ZNF385D: variants seen among roughly 807,000 people sequenced by gnomAD.
ZNF385D encodes the protein zinc finger protein 385D.
ZNF385D carries 15 observed loss-of-function variants against 35.8 expected under a neutral mutation model. That is an observed-to-expected ratio of 0.42 (90% CI 0.28 to 0.64). The LOEUF (loss-of-function observed/expected upper bound fraction) is 0.64, where lower values mean the gene tolerates loss of function less well. ZNF385D is among the 30% of genes least tolerant of loss of function. The probability of loss-of-function intolerance (pLI) is 0.23; values close to 1 mark genes in which losing one functional copy is unlikely to be tolerated. For missense variants in ZNF385D, 474 were observed against 494.6 expected (o/e 0.96, Z 0.39); for synonymous variants, 212 against 186.8 (o/e 1.13, Z -1.10).
intron 3 of ZNF385D, among the ~76,000 whole-genome samples, chr3:21,979,420 A>G (rs960314345): frequency 2.0e-5 from 3 of 152,200 alleles, no homozygotes; most frequent in African/African-American, 7.2e-5. Flanking sequence ...TTTTTATCCA[A>G]TATTTGACAG....
rs1695371983 is a variant in ZNF385D, at chr3:22,340,462, A to T, written c.106+31988T>A. ...GGAGTTTCAGACCAGCCTGGCCAAC[A>T]TGGTGAAACCTTATCTCTACTAAAA... On this transcript the variant is annotated intron_variant, in intron 2 of 5. Transcript: ENST00000494108. Among the ~76,000 whole-genome samples the T allele has an allele frequency of 2.0e-5, 3 of 152,122 alleles. No homozygotes were observed. In the South Asian group the frequency reaches 6.2e-4, roughly 32 times the overall value.
chr3:21,451,166 C>G (rs894857347), intron 4 of ZNF385D, among the ~76,000 whole-genome samples: 3 of 152,076 alleles, frequency 2.0e-5, no homozygotes, highest in East Asian at 1.9e-4. Context: ...TATGACGAAC[C>G]AATCAATACG....
chr3:21,540,084 C>T (rs2062135766), intron 3 of ZNF385D, among the ~76,000 whole-genome samples: 1 of 152,156 alleles, frequency 6.6e-6, no homozygotes, highest in Non-Finnish European at 1.5e-5. Flanking sequence ...CTGCTTTTTA[C>T]AGAATTACTG....
At chr3:21,934,006 T>TAA (rs11388191) in intron 3 of ZNF385D, among the ~76,000 whole-genome samples, 9,416 of 150,080 alleles carry the variant, frequency 0.063, 456 homozygotes, top group African/African-American at 0.12. Context: ...CACTGGTAAT[T>TAA]AAAAAAAAAA....
At chr3:22,068,682 G>A (rs539159788) in intron 3 of ZNF385D, among the ~76,000 whole-genome samples, 1 of 152,140 alleles carries the variant, frequency 6.6e-6, no homozygotes, top group Non-Finnish European at 1.5e-5. Flanking sequence ...TATGTGAAAG[G>A]CCTAATTCTC....
intron 4 of ZNF385D, among the ~76,000 whole-genome samples, chr3:21,474,825 A>G (rs1704129623): frequency 6.6e-6 from 1 of 152,162 alleles, no homozygotes; most frequent in African/African-American, 2.4e-5. Flanking sequence ...CATAAGTGAT[A>G]AATTCCTCAT....
At chr3:22,268,156 A>C (rs1700989542) in intron 2 of ZNF385D, among the ~76,000 whole-genome samples, 1 of 151,962 alleles carries the variant, frequency 6.6e-6, no homozygotes, top group East Asian at 1.9e-4. Context: ...AAAAATGGTA[A>C]CTGTTGCTAC....
At chr3:22,251,121 T>C (rs998748908) in intron 2 of ZNF385D, among the ~76,000 whole-genome samples, 12 of 151,986 alleles carry the variant, frequency 7.9e-5, no homozygotes, top group Non-Finnish European at 1.8e-4. Context: ...TAGGAAAAAA[T>C]TTTCCACCAA....
At chr3:22,314,591 T>C (rs1703780285) in intron 2 of ZNF385D, among the ~76,000 whole-genome samples, 1 of 152,136 alleles carries the variant, frequency 6.6e-6, no homozygotes, top group African/African-American at 2.4e-5. Context: ...AGGAATAAGA[T>C]TGTTTCACGT....
chr3:21,508,875 A>G (rs902300977), intron 4 of ZNF385D, among the ~76,000 whole-genome samples: 4 of 151,946 alleles, frequency 2.6e-5, no homozygotes, highest in African/African-American at 7.2e-5. Context: ...GACCCTTTGG[A>G]TTATTCTAGG....
intron 3 of ZNF385D, among the ~76,000 whole-genome samples, chr3:22,035,842 G>C (rs1385417957): frequency 6.6e-6 from 1 of 152,116 alleles, no homozygotes. Flanking sequence ...AAATATTGTG[G>C]ATCTTGTTAT....
intron 3 of ZNF385D, among the ~76,000 whole-genome samples, chr3:21,756,766 T>C (rs1457676038): frequency 6.6e-6 from 1 of 152,240 alleles, no homozygotes; most frequent in Non-Finnish European, 1.5e-5. Flanking sequence ...GCTGGAAGGC[T>C]ACTTTAAGCC....
intron 3 of ZNF385D, among the ~76,000 whole-genome samples, chr3:21,756,763 G>C (rs1355660242): frequency 6.6e-6 from 1 of 152,138 alleles, no homozygotes; most frequent in African/African-American, 2.4e-5. Context: ...TGTGCTGGAA[G>C]GCTACTTTAA....
intron 3 of ZNF385D, among the ~76,000 whole-genome samples, chr3:21,936,390 C>T (rs930305972): frequency 9.4e-6 from 1 of 106,562 alleles, no homozygotes; most frequent in African/African-American, 2.8e-5. Flanking sequence ...AGATGTGTAA[C>T]AATTTTTTTT....
intron 2 of ZNF385D, among the ~76,000 whole-genome samples, chr3:22,222,090 C>T (rs1012005544): frequency 6.6e-6 from 1 of 152,020 alleles, no homozygotes; most frequent in African/African-American, 2.4e-5. Flanking sequence ...AATTCTCCTG[C>T]CTCACTCTCC....
chr3:22,322,461 C>CT (rs1694485916), intron 2 of ZNF385D, among the ~76,000 whole-genome samples: 1 of 152,214 alleles, frequency 6.6e-6, no homozygotes, highest in South Asian at 2.1e-4. Flanking sequence ...GTGAGTCTGA[C>CT]TTTTTTTAGG....
intron 3 of ZNF385D, among the ~76,000 whole-genome samples, chr3:21,937,781 A>C (rs1701329495): frequency 1.3e-5 from 2 of 152,346 alleles, no homozygotes; most frequent in Middle Eastern, 3.4e-3. Context: ...AATGTTTTAT[A>C]CATTCTCTAA....
At chr3:21,602,467 T>C (rs1175068472) in intron 2 of ZNF385D, among the ~76,000 whole-genome samples, 3 of 150,922 alleles carry the variant, frequency 2.0e-5, no homozygotes, top group African/African-American at 7.3e-5. Context: ...AGCGCAGGGT[T>C]AGTAGCAAAA....
At chr3:21,727,120 T>C (rs1575542896) in intron 1 of ZNF385D, among the ~76,000 whole-genome samples, 1 of 152,194 alleles carries the variant, frequency 6.6e-6, no homozygotes, top group African/African-American at 2.4e-5. Flanking sequence ...GCTAGCTATA[T>C]GCAGAAAACT....
Sources: gnomAD v4.1 joint callset for allele counts (sites outside exome capture counted in the v4.1 genomes callset) on GRCh38, gnomAD v4.1.1 for gene constraint, MANE v1.5 for transcripts, NCBI Gene and HGNC (gene_info 2026-07-23, HGNC 2026-07-21) for gene names.